The following NTRK3 variants were observed in gnomAD, a reference collection of about 807,000 sequenced individuals.
The protein encoded by NTRK3 is neurotrophic receptor tyrosine kinase 3.
A neutral mutation model predicts 91.7 loss-of-function variants in NTRK3; 24 were observed. The observed-to-expected ratio is 0.26, with a 90% CI of 0.19 to 0.37. NTRK3 has a LOEUF of 0.37. NTRK3 is among the 10% of genes least tolerant of loss of function. The probability of loss-of-function intolerance (pLI) is 1.00; values close to 1 mark genes in which losing one functional copy is unlikely to be tolerated. For synonymous variants in NTRK3, 483 were observed against 404.0 expected (o/e 1.20, Z -2.34); for missense variants, 880 against 1,068.9 (o/e 0.82, Z 2.46).
chr15:88,096,832 TTATCATCTCCCTTTCA>T (rs1368512465), intron 13 of NTRK3, among the ~76,000 whole-genome samples: 2 of 152,190 alleles, frequency 1.3e-5, no homozygotes, highest in Non-Finnish European at 2.9e-5. Flanking sequence ...TTTCTTGACT[TTATCATCTCCCTTTCA>T]TATTGCCCGC....
chr15:87,977,770 C>A, intron 14 of NTRK3: 1 of 232,192 alleles, frequency 4.3e-6, no homozygotes, highest in African/African-American at 2.2e-5. Flanking sequence ...ACTTGGAAAG[C>A]CTCATGTTTT....
intron 3 of NTRK3, among the ~76,000 whole-genome samples, chr15:88,184,916 C>A (rs1243796834): frequency 6.6e-6 from 1 of 152,156 alleles, no homozygotes; most frequent in Non-Finnish European, 1.5e-5. Flanking sequence ...GTGGGGGCCA[C>A]CTAAGGATCC....
intron 10 of NTRK3, among the ~76,000 whole-genome samples, chr15:88,130,515 C>T (rs1034402886): frequency 6.6e-6 from 1 of 152,082 alleles, no homozygotes; most frequent in Non-Finnish European, 1.5e-5. Context: ...CAGACACCAC[C>T]TTGACCAAGT....
chr15:87,943,283 C>T (rs1029325148), intron 14 of NTRK3, among the ~76,000 whole-genome samples: 1 of 152,076 alleles, frequency 6.6e-6, no homozygotes, highest in Non-Finnish European at 1.5e-5. Context: ...AAACAAGTAC[C>T]ATGCTCACAA....
exon 19 of NTRK3, chr15:87,865,661 A>G (rs1265212403): frequency 9.1e-6 from 2 of 220,094 alleles, no homozygotes; most frequent in Non-Finnish European, 1.8e-5. Context: ...CTATTTTTAC[A>G]AAGCATTATG....
intron 13 of NTRK3, among the ~76,000 whole-genome samples, chr15:88,083,289 C>T (rs1285372973): frequency 4.6e-5 from 7 of 152,120 alleles, no homozygotes; most frequent in Non-Finnish European, 8.8e-5. Flanking sequence ...GGCCCAATCT[C>T]GGCTCACTGC....
intron 14 of NTRK3, among the ~76,000 whole-genome samples, chr15:88,005,380 T>C (rs2076413832): frequency 6.6e-6 from 1 of 152,202 alleles, no homozygotes; most frequent in Non-Finnish European, 1.5e-5. Context: ...GGACAGGCTT[T>C]CCTAGGCAAT....
intron 14 of NTRK3, chr15:87,977,767 A>G (rs2073853420): frequency 4.3e-6 from 1 of 232,070 alleles, no homozygotes; most frequent in Non-Finnish European, 8.5e-6. Context: ...AGAACTTGGA[A>G]AGCCTCATGT....
chr15:87,894,225 C>T lies in NTRK3; in HGVS notation c.2134-13797G>A, dbSNP rs967398511. ...TCCACCTTGCTTGGCTGTCTGAGGACGGCATCAGCTATGGCTAGCAGTCAC... is the reference window on the plus strand; with the variant it reads ...TCCACCTTGCTTGGCTGTCTGAGGATGGCATCAGCTATGGCTAGCAGTCAC... On this transcript the variant is annotated intron_variant, in intron 17 of 18. Coordinates refer to ENST00000394480, the Ensembl canonical transcript of NTRK3. 5.3e-5 allele frequency among the ~76,000 whole-genome samples: 8 copies of T among 152,314 alleles called. No homozygotes were observed. In the East Asian group the frequency reaches 5.8e-4, roughly 11 times the overall value.
At chr15:88,007,611 G>A (rs931183988) in intron 14 of NTRK3, among the ~76,000 whole-genome samples, 1 of 152,156 alleles carries the variant, frequency 6.6e-6, no homozygotes, top group Non-Finnish European at 1.5e-5. Context: ...TGGACTTGTT[G>A]AGAAACAAGA....
chr15:88,159,047 G>A (rs769218108), intron 5 of NTRK3, among the ~76,000 whole-genome samples: 24 of 152,222 alleles, frequency 1.6e-4, no homozygotes, highest in East Asian at 3.8e-4. Context: ...TGCCCAGGGC[G>A]GGCACTGTCA....
intron 5 of NTRK3, among the ~76,000 whole-genome samples, chr15:88,155,383 A>G (rs1347079831): frequency 6.6e-6 from 1 of 152,062 alleles, no homozygotes; most frequent in Non-Finnish European, 1.5e-5. Context: ...CCATTCATCC[A>G]TTCTCCCTTA....
intron 3 of NTRK3, among the ~76,000 whole-genome samples, chr15:88,200,793 G>A (rs1416195440): frequency 6.6e-6 from 1 of 152,124 alleles, no homozygotes. Context: ...CAACCACCAA[G>A]CTGCAGCCCT....
At chr15:88,110,820 T>C (rs1193361184) in intron 13 of NTRK3, among the ~76,000 whole-genome samples, 1 of 152,134 alleles carries the variant, frequency 6.6e-6, no homozygotes, top group African/African-American at 2.4e-5. Flanking sequence ...AGGAGTCTAC[T>C]ACAGAACCCA....
chr15:88,229,060 G>A (rs1339638911), intron 3 of NTRK3, among the ~76,000 whole-genome samples: 1 of 152,174 alleles, frequency 6.6e-6, no homozygotes, highest in Non-Finnish European at 1.5e-5. Flanking sequence ...GAAAGGCTAA[G>A]AGAATGGCAG....
chr15:88,058,300 G>C (rs1467633316), intron 13 of NTRK3, among the ~76,000 whole-genome samples: 1 of 152,144 alleles, frequency 6.6e-6, no homozygotes, highest in African/African-American at 2.4e-5. Flanking sequence ...GCCTTGGGGA[G>C]GTTACTTAAC....
chr15:87,888,329 T>C (rs2065665647), intron 17 of NTRK3, among the ~76,000 whole-genome samples: 2 of 152,186 alleles, frequency 1.3e-5, no homozygotes, highest in South Asian at 4.1e-4. Context: ...ACTATCTCCA[T>C]AAAATTCCTT....
chr15:88,074,300 AATG>A (rs2047347642), intron 13 of NTRK3, among the ~76,000 whole-genome samples: 1 of 152,238 alleles, frequency 6.6e-6, no homozygotes, highest in African/African-American at 2.4e-5. Flanking sequence ...CATCCATTAG[AATG>A]ATGAAGTGCA....
At chr15:88,212,863 T>C (rs4034648) in intron 3 of NTRK3, among the ~76,000 whole-genome samples, 130,009 of 152,160 alleles carry the variant, frequency 0.85, 55,811 homozygotes, top group East Asian at 0.98. Context: ...GAAGGGGAAA[T>C]GTCAGGGCCC....
Sources: gnomAD v4.1 joint callset for allele counts (sites outside exome capture counted in the v4.1 genomes callset) on GRCh38, gnomAD v4.1.1 for gene constraint, MANE v1.5 for transcripts, NCBI Gene and HGNC (gene_info 2026-07-23, HGNC 2026-07-21) for gene names.